Variants in MSL2 observed in about 807,000 individuals in gnomAD.
The protein encoded by MSL2 is E3 ubiquitin-protein ligase MSL2.
In MSL2, 2 loss-of-function variants were observed where a neutral mutation model predicts 35.8. The ratio of observed to expected loss-of-function variants is 0.06; its 90% CI spans 0.02 to 0.18. The LOEUF (loss-of-function observed/expected upper bound fraction) is 0.18. Among genes scored for constraint, MSL2 ranks in the 10% least tolerant of loss-of-function variants. The pLI is 1.00. For synonymous variants in MSL2, 296 were observed against 255.7 expected (o/e 1.16, Z -1.50); for missense variants, 523 against 706.7 (o/e 0.74, Z 2.95).
chr3:136,169,371 T>C (rs1939953450), intron 1 of MSL2, among the ~76,000 whole-genome samples: 1 of 151,708 alleles, frequency 6.6e-6, no homozygotes, highest in Non-Finnish European at 1.5e-5. Flanking sequence ...GGAATATCCA[T>C]CACCTCAAAC....
Position 136,151,306 on chromosome 3 carries a change from G to A in MSL2, c.1575C>T (p.Leu525=). The A allele has an allele frequency of 1.2e-6, 2 of 1,614,236 alleles. No individual in the cohort carries two copies. Among genetic ancestry groups the A allele is most frequent in the Non-Finnish European group, 1.7e-6 (2 of 1,180,044 alleles). ...TGCTAGTCACGTTAATGCCCAAAGTGAGCCTGGTCTGCTCCAAGGCCTTTT... is the reference window on the plus strand; with the variant it reads ...TGCTAGTCACGTTAATGCCCAAAGTAAGCCTGGTCTGCTCCAAGGCCTTTT... The part of the protein sequence containing the change: ...VPEKALEQTR[L]TLGINVTSIA... The change falls in exon 2 of 2, where the codon CTC becomes CTT. Residue 525 remains leucine, a synonymous_variant. Transcript: ENST00000309993. This position sits in a 1 kb window ranked among gnomAD's most constrained non-coding sequence, Gnocchi z 5.2.
chr3:136,158,667 G>A (rs987437155), intron 1 of MSL2, among the ~76,000 whole-genome samples: 5 of 151,998 alleles, frequency 3.3e-5, no homozygotes, highest in African/African-American at 1.2e-4. Flanking sequence ...AAAGAAACAA[G>A]TAAAATTGTT....
intron 1 of MSL2, among the ~76,000 whole-genome samples, chr3:136,171,638 A>G (rs980154933): frequency 5.9e-5 from 9 of 152,176 alleles, no homozygotes; most frequent in Non-Finnish European, 1.3e-4. Flanking sequence ...AGTCTGACAA[A>G]TTTTGAGTAA....
intron 1 of MSL2, among the ~76,000 whole-genome samples, chr3:136,154,736 T>C (rs554104524): frequency 6.6e-6 from 1 of 152,258 alleles, no homozygotes; most frequent in South Asian, 2.1e-4. Context: ...TAGTGGGAAA[T>C]CTATAGCTCT....
At chr3:136,181,475 T>C (rs1940360934) in intron 1 of MSL2, among the ~76,000 whole-genome samples, 1 of 152,198 alleles carries the variant, frequency 6.6e-6, no homozygotes, top group South Asian at 2.1e-4. Flanking sequence ...TTAAAATGTT[T>C]TCTCTTTTTC....
chr3:136,149,136 C>A lies in MSL2; in HGVS notation c.*2011G>T, dbSNP rs1420306473. 3 of 150,582 alleles carry A rather than the reference C, an allele frequency of 2.0e-5. No homozygotes were observed. The highest frequency in any genetic ancestry group is 4.9e-5 in the African/African-American group (2 of 40,906). The allele number at this position is 150,582 out of a possible 1,614,324, so 9.3% of individuals were successfully genotyped here. A position where few individuals can be genotyped will look rare whatever the true frequency, so the allele number is the denominator to read the frequency against. On this transcript the variant is annotated 3_prime_UTR_variant, in exon 2 of 2. Transcript: ENST00000309993. ...CCATGCATCAAAAAAAAAAAAAAACCCACAAGATTATCAAACTTGGGAAGC... is the reference window on the plus strand; with the variant it reads ...CCATGCATCAAAAAAAAAAAAAAACACACAAGATTATCAAACTTGGGAAGC...
intron 1 of MSL2, among the ~76,000 whole-genome samples, chr3:136,193,064 G>A (rs920689767): frequency 6.6e-6 from 1 of 152,146 alleles, no homozygotes; most frequent in Non-Finnish European, 1.5e-5. Context: ...TGTGAAATAA[G>A]AAAGCCCTGT....
rs1470688878 is a variant in MSL2 at position 136,151,938 on chromosome 3, CATT to C, written c.940_942del (p.Asn314del). 6.2e-7 allele frequency: 1 copy of C among 1,614,196 alleles called. No individual in the cohort carries two copies. Among genetic ancestry groups the C allele is most frequent in the South Asian group, 1.1e-5 (1 of 91,086 alleles). On this transcript the variant is annotated inframe_deletion, in exon 2 of 2. Transcript: ENST00000309993. This position sits in a 1 kb window ranked among gnomAD's most constrained non-coding sequence, Gnocchi z 5.2. ...AGTGCAGGACTGGTGGACATAAAAA[CATT>C]ATGGCTAAGAGACTGGGAAGAAAGC...
chr3:136,194,997 T>G lies in MSL2; in HGVS notation c.117A>C (p.Arg39=), dbSNP rs750662226. Residue 39 remains arginine, a synonymous_variant, in exon 1 of 2, where the codon CGA becomes CGC. Transcript: ENST00000309993. ...TEINRLLPYF[R]QSLSCCVCGH... ...CGCAAACACAGCACGAAAGGGACTGTCGGAAGTAAGGCAAGAGCCTGTTAA... is the reference window on the plus strand; with the variant it reads ...CGCAAACACAGCACGAAAGGGACTGGCGGAAGTAAGGCAAGAGCCTGTTAA... 1 of 1,613,526 alleles carries G rather than the reference T, an allele frequency of 6.2e-7. No individual in the cohort carries two copies. The highest frequency in any genetic ancestry group is 8.5e-7 in the Non-Finnish European group (1 of 1,179,938).
chr3:136,184,227 C>A (rs1249141353), intron 1 of MSL2, among the ~76,000 whole-genome samples: 1 of 151,926 alleles, frequency 6.6e-6, no homozygotes, highest in Admixed American at 6.6e-5. Flanking sequence ...ACCCGGGAGG[C>A]GGAGGGTGCA....
intron 1 of MSL2, among the ~76,000 whole-genome samples, chr3:136,177,283 A>C (rs1232530209): frequency 6.6e-6 from 1 of 152,244 alleles, no homozygotes; most frequent in African/African-American, 2.4e-5. Flanking sequence ...TATTTCTTTA[A>C]AATATCTAGC....
Position 136,152,437 on chromosome 3 carries a change from A to G in MSL2, c.444T>C (p.Asp148=), listed in dbSNP as rs1247961799. 1.2e-6 allele frequency: 2 copies of G among 1,614,082 alleles called. No individual in the cohort carries two copies. The highest frequency in any genetic ancestry group is 2.7e-5 in the African/African-American group (2 of 74,942). ...LFCEETEKPS[D]SSFTLCLTHS... ...GTGTCAAACACAAAGTAAAGGATGA[A>G]TCTGAGGGTTTTTCTGTCTCCTCAC... is the stretch of plus-strand genomic sequence containing the variant. Residue 148 remains aspartate (D), a synonymous_variant, in exon 2 of 2, where the codon GAT becomes GAC. Transcript: ENST00000309993.
rs1398098372 is a variant in MSL2 at position 136,188,867 on chromosome 3, T to C, written c.142+6105A>G. 4.0e-5 allele frequency among the ~76,000 whole-genome samples: 6 copies of C among 151,868 alleles called. 1 individual carries two copies. In the South Asian group the frequency reaches 1.2e-3, roughly 31 times the overall value. Reference sequence around the variant, plus strand: ...CCATACTGCCTGCCTTGAACCCACATTTAAACTATTATTACCTTTTCAACT... The same window carrying C: ...CCATACTGCCTGCCTTGAACCCACACTTAAACTATTATTACCTTTTCAACT... On this transcript the variant is annotated intron_variant, in intron 1 of 1. Coordinates refer to ENST00000309993, the MANE Select transcript of MSL2 (RefSeq NM_018133.4).
rs771021498 is a variant in MSL2, at chr3:136,176,515, C to CAAAAAA, written c.142+18451_142+18456dup. Among the ~76,000 whole-genome samples, 503 of 54,122 alleles carry CAAAAAA rather than the reference C, an allele frequency of 9.3e-3. 6 individuals are homozygous for CAAAAAA. Among genetic ancestry groups the CAAAAAA allele is most frequent in the African/African-American group, 0.031 (482 of 15,708 alleles). 35.5% of individuals were successfully genotyped at this position (54,122 alleles called of 152,430 possible). On this transcript the variant is annotated intron_variant, in intron 1 of 1. Coordinates refer to ENST00000309993, the MANE Select transcript of MSL2 (RefSeq NM_018133.4). ...GGGCAACCAGAATGAGACCCTCTCTCAAAAAAAAAAAAAAAAAAAAAAACT... is the reference window on the plus strand; with the variant it reads ...GGGCAACCAGAATGAGACCCTCTCTCAAAAAAAAAAAAAAAAAAAAAAAAAAAAACT...
chr3:136,163,074 A>G (rs1939755204), intron 1 of MSL2, among the ~76,000 whole-genome samples: 1 of 151,882 alleles, frequency 6.6e-6, no homozygotes, highest in African/African-American at 2.4e-5. Flanking sequence ...CCTGGTGAAC[A>G]TGGTGAAACC....
chr3:136,178,930 C>T (rs531665949), intron 1 of MSL2, among the ~76,000 whole-genome samples: 2 of 151,124 alleles, frequency 1.3e-5, no homozygotes, highest in African/African-American at 2.4e-5. Context: ...ACATGGCCTA[C>T]TCCAGCTCTG....
At chr3:136,180,791 AGGGAGGGAG>A (rs1559969206) in intron 1 of MSL2, among the ~76,000 whole-genome samples, 1,822 of 68,276 alleles carry the variant, frequency 0.027, 102 homozygotes, top group South Asian at 0.041. Context: ...GGAGGGAGGG[AGGGAGGGAG>A]GGAGGGAGGG....
At chr3:136,153,777 G>A (rs1576354042) in intron 1 of MSL2, among the ~76,000 whole-genome samples, 3 of 135,638 alleles carry the variant, frequency 2.2e-5, no homozygotes, top group Non-Finnish European at 3.1e-5. Flanking sequence ...GCAATAGAGC[G>A]AGACTTAGTC....
At chr3:136,158,716 CAAAA>C (rs747369870) in intron 1 of MSL2, among the ~76,000 whole-genome samples, 4 of 152,114 alleles carry the variant, frequency 2.6e-5, no homozygotes, top group African/African-American at 9.7e-5. Flanking sequence ...CAGAAAATCT[CAAAA>C]AACGCACACA....
Sources: gnomAD v4.1 joint callset for allele counts (sites outside exome capture counted in the v4.1 genomes callset) on GRCh38, gnomAD v4.1.1 for gene constraint, Gnocchi (gnomAD v3.1) non-coding constraint, MANE v1.5 for transcripts, NCBI Gene and HGNC (gene_info 2026-07-23, HGNC 2026-07-21) for gene names.